The following HEG1 variants were observed in gnomAD, a reference collection of about 807,000 sequenced individuals.
The protein encoded by HEG1 is heart development protein with EGF like domains 1.
In HEG1, 56 loss-of-function variants were observed where a neutral mutation model predicts 125.6. That is an observed-to-expected ratio of 0.45 (90% CI 0.36 to 0.56). HEG1 has a LOEUF of 0.56. Ranked by LOEUF, HEG1 falls within the 20% of genes least tolerant of loss-of-function variation. The probability of loss-of-function intolerance (pLI) is 0.00; values close to 1 mark genes in which losing one functional copy is unlikely to be tolerated. For synonymous variants in HEG1, 644 were observed against 668.5 expected, an observed-to-expected ratio of 0.96 and a Z score of 0.57; for missense variants, 1,523 against 1,670.0, an observed-to-expected ratio of 0.91 and a Z score of 1.53.
At chr3:125,011,031 T>C (rs1237255415) in intron 6 of HEG1, among the ~76,000 whole-genome samples, 1 of 152,184 alleles carries the variant, frequency 6.6e-6, no homozygotes, top group East Asian at 1.9e-4. Flanking sequence ...ATCAAAATCA[T>C]AGTATCCTTT....
Position 124,977,902 on chromosome 3 carries a change from G to A in HEG1, c.3778C>T (p.Leu1260Phe). 1 of 1,581,216 alleles carries A rather than the reference G, an allele frequency of 6.3e-7. No individual in the cohort carries two copies. Among genetic ancestry groups the A allele is most frequent in the Non-Finnish European group, 8.6e-7 (1 of 1,163,588 alleles). ...AGTGCGATGCCTAGGATGAGCAGGA[G>A]CCCACCTCCCGCGGCTGCGATCACC... is the stretch of plus-strand genomic sequence containing the variant. ...TVVIAAAGGG[L>F]LLILGIALIV... The change falls in exon 15 of 17, where the codon CTC (leucine) becomes TTC (phenylalanine). Residue 1260 changes from leucine (L) to phenylalanine (F), a missense_variant. By Grantham distance (22) the Leu-to-Phe change is conservative (BLOSUM62 0). Transcript: ENST00000311127.
At chr3:124,987,523 CTTTTTTTT>C (rs1204657705) in intron 14 of HEG1, among the ~76,000 whole-genome samples, 7 of 136,182 alleles carry the variant, frequency 5.1e-5, no homozygotes, top group African/African-American at 8.0e-5. Context: ...TTCTTTTTTT[CTTTTTTTT>C]TTTTTTTTTG....
At chr3:125,005,436 C>T in intron 8 of HEG1, 68 bp from the exon 9 acceptor site, 1 of 838,614 alleles carries the variant, frequency 1.2e-6, no homozygotes, top group Non-Finnish European at 1.9e-6. Flanking sequence ...TGTGTTTGCA[C>T]ATCTCTGGGG....
intron 16 of HEG1, chr3:124,971,031 G>T: frequency 1.6e-6 from 1 of 610,158 alleles, no homozygotes. Flanking sequence ...TGATGCAAAC[G>T]GAGGAACTGA....
chr3:125,039,927 A>G (rs1178719120), intron 1 of HEG1, among the ~76,000 whole-genome samples: 1 of 152,092 alleles, frequency 6.6e-6, no homozygotes, highest in Admixed American at 6.5e-5. Flanking sequence ...GTTTCTCTCT[A>G]AGAGGAATGA....
Position 125,027,463 on chromosome 3 carries a change from C to T in HEG1, c.655G>A (p.Glu219Lys). The T allele has an allele frequency of 6.2e-7, 1 of 1,613,422 alleles. No homozygotes were observed. The highest frequency in any genetic ancestry group is 8.5e-7 in the Non-Finnish European group (1 of 1,179,646). ...HLPSSSSEFDERIAAFQTKSG... is the reference protein window; with the variant it reads ...HLPSSSSEFDKRIAAFQTKSG... Reference sequence around the variant, plus strand: ...TTTGTTTGAAAAGCGGCAATTCTTTCATCGAACTCTGAACTGCTGGATGGC... The same window carrying T: ...TTTGTTTGAAAAGCGGCAATTCTTTTATCGAACTCTGAACTGCTGGATGGC... Residue 219 changes from glutamate to lysine, a missense_variant, in exon 3 of 17, where the codon GAA becomes AAA. Glu to Lys is a moderately conservative substitution (Grantham distance 56, BLOSUM62 1). Transcript: ENST00000311127.
chr3:125,019,159 C>T (rs373430432), intron 5 of HEG1, 103 bp downstream of exon 5: 31 of 982,806 alleles, frequency 3.2e-5, no homozygotes, highest in African/African-American at 2.6e-4. Flanking sequence ...TGAGCCACCA[C>T]GCTAGGCCCT....
intron 8 of HEG1, among the ~76,000 whole-genome samples, chr3:125,006,030 T>G (rs1937067206): frequency 6.6e-6 from 1 of 152,216 alleles, no homozygotes; most frequent in African/African-American, 2.4e-5. Context: ...CCACTGGCAT[T>G]GGAGCGTATG....
At chr3:125,010,349 T>C in intron 7 of HEG1, 90 bp downstream of exon 7, 1 of 725,150 alleles carries the variant, frequency 1.4e-6, no homozygotes, top group Middle Eastern at 2.5e-4. Flanking sequence ...AAACAGTGTA[T>C]TTGTCCACAT....
intron 6 of HEG1, 94 bp from the exon 7 acceptor site, chr3:125,010,649 T>C: frequency 1.2e-6 from 1 of 809,420 alleles, no homozygotes; most frequent in East Asian, 2.8e-5. Flanking sequence ...TAATATTTGA[T>C]TCTTGCTTAT....
chr3:125,014,693 G>A (rs561412888), intron 5 of HEG1: 37 of 1,238,680 alleles, frequency 3.0e-5, no homozygotes, highest in Middle Eastern at 2.6e-4. Context: ...TGTTAAAAGA[G>A]ACTGTGGAAG....
At chr3:124,980,373 A>G (rs1286885576) in intron 14 of HEG1, among the ~76,000 whole-genome samples, 3 of 152,234 alleles carry the variant, frequency 2.0e-5, no homozygotes, top group African/African-American at 7.2e-5. Context: ...CAACAAAACA[A>G]GTAAGCATCC....
Position 125,027,225 on chromosome 3 carries a change from G to T in HEG1, c.893C>A (p.Pro298His). The change falls in exon 3 of 17, where the codon CCT becomes CAT. Residue 298 changes from proline to histidine, a missense_variant. Coordinates refer to ENST00000311127, the MANE Select transcript of HEG1 (RefSeq NM_020733.2). Reference sequence around the variant, plus strand: ...CTCACATGAGGAAAGGTCTAAGAGAGGAGAGGAAGCTGCTGTCCTGTAGAA... The same window carrying T: ...CTCACATGAGGAAAGGTCTAAGAGATGAGAGGAAGCTGCTGTCCTGTAGAA... Reference protein sequence around the residue: ...LHFYRTAASSPLLDLSSSSES... With the variant: ...LHFYRTAASSHLLDLSSSSES... 6.2e-7 allele frequency: 1 copy of T among 1,608,390 alleles called. No individual in the cohort carries two copies. Among genetic ancestry groups the T allele is most frequent in the Non-Finnish European group, 8.5e-7 (1 of 1,177,534 alleles).
In HEG1 at chr3:125,055,896, C is replaced by T; in HGVS notation, c.-6G>A. ...GAGGCGCGCGGCGAGGCCATGGTGA[C>T]GGCGCCCGCCCGCGCTCACATGCCC... On this transcript the variant is annotated 5_prime_UTR_variant, in exon 1 of 17. Coordinates refer to ENST00000311127, the MANE Select transcript of HEG1 (RefSeq NM_020733.2). 1 of 980,182 alleles carries T rather than the reference C, an allele frequency of 1.0e-6. No homozygotes were observed. Among genetic ancestry groups the T allele is most frequent in the Non-Finnish European group, 1.2e-6 (1 of 827,512 alleles). The allele number at this position is 980,182 out of a possible 1,614,324, so 60.7% of individuals were successfully genotyped here. A position where few individuals can be genotyped will look rare whatever the true frequency, so the allele number is the denominator to read the frequency against.
chr3:125,023,985 A>G (rs1451007190), intron 3 of HEG1, among the ~76,000 whole-genome samples: 2 of 152,218 alleles, frequency 1.3e-5, no homozygotes, highest in Admixed American at 1.3e-4. Context: ...TTTGAGAAAG[A>G]TACGTCACAT....
rs3184121 is a variant in HEG1, at chr3:124,967,889, C to A, written c.*2763G>T. On this transcript the variant is annotated 3_prime_UTR_variant, in exon 17 of 17. Coordinates refer to ENST00000311127, the MANE Select transcript of HEG1 (RefSeq NM_020733.2). ...AGAGGAAAAGACAATGGCAATAAGA[C>A]CCTCTGGAGCTTAAACCAAACCACT... 36,989 of 152,176 alleles carry A rather than the reference C, an allele frequency of 0.24. 5,117 individuals are homozygous for A. Among genetic ancestry groups the A allele is most frequent in the East Asian group, 0.67 (3,438 of 5,152 alleles). 9.4% of individuals were successfully genotyped at this position (152,176 alleles called of 1,614,324 possible). A position where few individuals can be genotyped will look rare whatever the true frequency, so the allele number is the denominator to read the frequency against.
intron 3 of HEG1, among the ~76,000 whole-genome samples, chr3:125,026,159 A>G (rs938146515): frequency 2.6e-5 from 4 of 152,096 alleles, no homozygotes; most frequent in African/African-American, 9.7e-5. Context: ...ACTGAATAAA[A>G]CCTCGGAGAA....
At chr3:125,046,662 G>C (rs1044801871) in intron 1 of HEG1, among the ~76,000 whole-genome samples, 3 of 152,116 alleles carry the variant, frequency 2.0e-5, no homozygotes, top group South Asian at 4.1e-4. Flanking sequence ...AATGATGTTG[G>C]ATTATTTTGG....
intron 1 of HEG1, among the ~76,000 whole-genome samples, chr3:125,054,210 G>A (rs888727379): frequency 9.9e-5 from 15 of 152,244 alleles, no homozygotes; most frequent in Admixed American, 9.2e-4. Flanking sequence ...GCAAAACAGC[G>A]TATGCTGTAA....
Sources: gnomAD v4.1 joint callset for allele counts (sites outside exome capture counted in the v4.1 genomes callset) on GRCh38, gnomAD v4.1.1 for gene constraint, MANE v1.5 for transcripts, NCBI Gene and HGNC (gene_info 2026-07-23, HGNC 2026-07-21) for gene names.